Variants in RNF150 observed in about 807,000 individuals in gnomAD.
RNF150 encodes the protein ring finger protein 150.
A neutral mutation model predicts 39.3 loss-of-function variants in RNF150; 24 were observed. That is an observed-to-expected ratio of 0.61 (90% CI 0.44 to 0.86). The LOEUF is 0.86. RNF150 is among the 40% of genes least tolerant of loss of function. The probability of loss-of-function intolerance (pLI) is 0.00; values close to 1 mark genes in which losing one functional copy is unlikely to be tolerated. For missense variants in RNF150, 502 were observed against 587.8 expected (o/e 0.85, Z 1.51); for synonymous variants, 255 against 227.3 (o/e 1.12, Z -1.10).
intron 5 of RNF150, among the ~76,000 whole-genome samples, chr4:140,924,570 A>G (rs1222432487): frequency 6.6e-6 from 1 of 152,130 alleles, no homozygotes; most frequent in African/African-American, 2.4e-5. Flanking sequence ...GATTTTGGAG[A>G]CCATAGACAC....
At chr4:141,162,790 C>T (rs1727538099) in intron 1 of RNF150, among the ~76,000 whole-genome samples, 1 of 152,178 alleles carries the variant, frequency 6.6e-6, no homozygotes, top group Non-Finnish European at 1.5e-5. Flanking sequence ...CTGTGTTTAT[C>T]CCATGGTCTT....
chr4:141,180,338 T>C (rs1242905549), intron 1 of RNF150, among the ~76,000 whole-genome samples: 1 of 152,156 alleles, frequency 6.6e-6, no homozygotes. Context: ...GCATAAGGAA[T>C]ATCCCTCAAA....
chr4:140,990,728 G>T (rs936874969), intron 1 of RNF150, among the ~76,000 whole-genome samples: 1 of 152,088 alleles, frequency 6.6e-6, no homozygotes, highest in South Asian at 2.1e-4. Flanking sequence ...TCTTTATCCA[G>T]TCTATCATTG....
rs983985520 is a variant in RNF150 at position 141,130,958 on chromosome 4, C to A, written c.484+1367G>T. On this transcript the variant is annotated intron_variant, in intron 1 of 6. Coordinates refer to ENST00000515673, the MANE Select transcript of RNF150 (RefSeq NM_020724.2). ...TTGTAACTTTTCTAAGTAATTGCCT[C>A]TCCTCCTCTTCATTAATTAACACAC... Among the ~76,000 whole-genome samples the A allele has an allele frequency of 6.9e-4, 105 of 152,316 alleles. 1 individual carries two copies. The highest frequency in any genetic ancestry group is 1.0e-4 in the Non-Finnish European group (7 of 68,034).
At chr4:141,118,612 G>A (rs935945134) in intron 1 of RNF150, among the ~76,000 whole-genome samples, 3 of 152,168 alleles carry the variant, frequency 2.0e-5, no homozygotes, top group South Asian at 2.1e-4. Flanking sequence ...AAGCAATATG[G>A]TGGTTACCAA....
chr4:140,998,753 G>A (rs530683861), intron 1 of RNF150, among the ~76,000 whole-genome samples: 2 of 152,260 alleles, frequency 1.3e-5, no homozygotes, highest in South Asian at 4.1e-4. Context: ...ATTCCTGACT[G>A]CAACCTGCAC....
intron 1 of RNF150, among the ~76,000 whole-genome samples, chr4:141,179,390 A>T (rs902625913): frequency 1.3e-5 from 2 of 152,210 alleles, no homozygotes; most frequent in Non-Finnish European, 2.9e-5. Flanking sequence ...AAATAGTTCA[A>T]TAGTAATTTG....
intron 5 of RNF150, among the ~76,000 whole-genome samples, chr4:140,913,175 C>T (rs745830838): frequency 1.2e-4 from 18 of 152,094 alleles, no homozygotes; most frequent in East Asian, 1.9e-4. Context: ...GCAGGGGAAT[C>T]GCTTGAACCT....
At chr4:141,108,748 G>A (rs1739293132) in intron 1 of RNF150, among the ~76,000 whole-genome samples, 1 of 152,012 alleles carries the variant, frequency 6.6e-6, no homozygotes, top group Admixed American at 6.5e-5. Context: ...GTCCGTTAAG[G>A]GATTTGCCCA....
intron 1 of RNF150, among the ~76,000 whole-genome samples, chr4:140,997,659 G>A (rs113324034): frequency 0.12 from 11,482 of 92,986 alleles, 494 homozygotes; most frequent in Middle Eastern, 0.26. Flanking sequence ...AGGTTGCAGT[G>A]AGCCAAGATT....
chr4:141,135,335 A>C (rs1406472330), upstream of RNF150, among the ~76,000 whole-genome samples: 1 of 152,226 alleles, frequency 6.6e-6, no homozygotes, highest in Non-Finnish European at 1.5e-5. Context: ...TCTAAATAGC[A>C]TCCTCCACGA....
chr4:141,050,042 ATAAG>A (rs1490309908), intron 1 of RNF150, among the ~76,000 whole-genome samples: 13 of 152,246 alleles, frequency 8.5e-5, no homozygotes, highest in African/African-American at 1.9e-4. Flanking sequence ...AAAGCTAAAT[ATAAG>A]TAATAACAAA....
At chr4:140,874,029 T>G (rs2111189644) in intron 6 of RNF150, among the ~76,000 whole-genome samples, 1 of 148,102 alleles carries the variant, frequency 6.8e-6, no homozygotes, top group South Asian at 2.2e-4. Context: ...TTAATATATT[T>G]CCACTTTAAT....
At chr4:141,033,316 T>C (rs1322770014) in intron 1 of RNF150, among the ~76,000 whole-genome samples, 1 of 152,206 alleles carries the variant, frequency 6.6e-6, no homozygotes, top group Non-Finnish European at 1.5e-5. Context: ...TCCTCATCCA[T>C]TAAAGTTTTA....
chr4:140,991,263 C>A (rs1327599166), intron 1 of RNF150, among the ~76,000 whole-genome samples: 1 of 151,928 alleles, frequency 6.6e-6, no homozygotes, highest in Non-Finnish European at 1.5e-5. Context: ...GTCAGATGGA[C>A]AGATTGCAAA....
At chr4:141,189,456 T>A (rs1203953825) in intron 1 of RNF150, among the ~76,000 whole-genome samples, 2 of 152,090 alleles carry the variant, frequency 1.3e-5, no homozygotes, top group African/African-American at 4.8e-5. Flanking sequence ...CTCTTCAGAG[T>A]CAGCGGGCAG....
At chr4:141,033,581 C>G (rs7686014) in intron 1 of RNF150, among the ~76,000 whole-genome samples, 121,660 of 152,134 alleles carry the variant, frequency 0.8, 49,157 homozygotes, top group Non-Finnish European at 0.83. Context: ...ACTTCACCCA[C>G]ATCCATCAGA....
At chr4:140,895,067 T>C (rs1019824195) in intron 6 of RNF150, among the ~76,000 whole-genome samples, 2 of 152,192 alleles carry the variant, frequency 1.3e-5, no homozygotes, top group African/African-American at 2.4e-5. Context: ...TTGTGGATCC[T>C]GTTCATTAAC....
intron 1 of RNF150, among the ~76,000 whole-genome samples, chr4:141,067,951 CTTTT>C (rs59761096): frequency 6.9e-6 from 1 of 145,744 alleles, no homozygotes; most frequent in African/African-American, 2.5e-5. Flanking sequence ...AGTCAAGATA[CTTTT>C]TTTTTTTTTT....
Sources: gnomAD v4.1 joint callset for allele counts (sites outside exome capture counted in the v4.1 genomes callset) on GRCh38, gnomAD v4.1.1 for gene constraint, MANE v1.5 for transcripts, NCBI Gene and HGNC (gene_info 2026-07-23, HGNC 2026-07-21) for gene names.